ARMC9: variants seen among roughly 807,000 people sequenced by gnomAD.
ARMC9 encodes lisH domain-containing protein ARMC9.
Under a neutral mutation model 107.0 loss-of-function variants are expected in ARMC9, and 94 were observed. The observed-to-expected ratio is 0.88, with a 90% CI of 0.74 to 1.04. ARMC9 has a LOEUF of 1.04. Among genes scored for constraint, ARMC9 ranks in the 50% least tolerant of loss-of-function variants. The pLI is 0.00. For synonymous variants in ARMC9, 380 were observed against 396.9 expected, an observed-to-expected ratio of 0.96 and a Z score of 0.51; for missense variants, 942 against 1,030.1, an observed-to-expected ratio of 0.91 and a Z score of 1.17.
intron 5 of ARMC9, among the ~76,000 whole-genome samples, chr2:231,217,265 G>A (rs2033612543): frequency 1.3e-5 from 2 of 152,154 alleles, no homozygotes; most frequent in African/African-American, 4.8e-5. Context: ...TAGTTTTTAG[G>A]CATATGTGTA....
chr2:231,204,656 G>A (rs958532573), intron 1 of ARMC9, among the ~76,000 whole-genome samples: 6 of 152,024 alleles, frequency 3.9e-5, no homozygotes, highest in African/African-American at 1.4e-4. Flanking sequence ...AAATCAAGCA[G>A]TACAAAGGGC....
At chr2:231,230,067 G>A (rs2035061331) in intron 7 of ARMC9, among the ~76,000 whole-genome samples, 1 of 152,114 alleles carries the variant, frequency 6.6e-6, no homozygotes, top group Non-Finnish European at 1.5e-5. Flanking sequence ...TCCATTAAAA[G>A]TTGAGGTCTT....
At chr2:231,328,397 T>C (rs945070792) in intron 19 of ARMC9, among the ~76,000 whole-genome samples, 1 of 152,202 alleles carries the variant, frequency 6.6e-6, no homozygotes, top group African/African-American at 2.4e-5. Context: ...AACAAGTTTT[T>C]AAGTTTTTTG....
intron 1 of ARMC9, among the ~76,000 whole-genome samples, chr2:231,205,630 AT>A (rs1417838432): frequency 6.6e-6 from 1 of 152,184 alleles, no homozygotes; most frequent in Non-Finnish European, 1.5e-5. Context: ...GACTTTAGCC[AT>A]TGTATTTCCT....
chr2:231,326,634 TAGCTTCCCCCAGCGC>T (rs931541734), intron 19 of ARMC9, among the ~76,000 whole-genome samples: 14 of 150,866 alleles, frequency 9.3e-5, no homozygotes, highest in African/African-American at 3.1e-4. Flanking sequence ...AGAGGCGGGG[TAGCTTCCCCCAGCGC>T]AGCCCTAGGA....
chr2:231,366,149 G>A (rs905735460), intron 23 of ARMC9, among the ~76,000 whole-genome samples: 3 of 152,182 alleles, frequency 2.0e-5, no homozygotes, highest in African/African-American at 4.8e-5. Flanking sequence ...TGGAGAGTCA[G>A]GGGAGAGTTG....
chr2:231,330,242 T>TTTC (rs2043633087), intron 19 of ARMC9, among the ~76,000 whole-genome samples: 1 of 151,396 alleles, frequency 6.6e-6, no homozygotes, highest in Non-Finnish European at 1.5e-5. Flanking sequence ...TTTTTTTTTT[T>TTTC]TTTGAGACGG....
At chr2:231,312,252 C>T (rs1319396062) in intron 19 of ARMC9, among the ~76,000 whole-genome samples, 1 of 152,148 alleles carries the variant, frequency 6.6e-6, no homozygotes, top group Admixed American at 6.5e-5. Flanking sequence ...TTCTCCGCCA[C>T]GTGACTTCAC....
intron 7 of ARMC9, among the ~76,000 whole-genome samples, chr2:231,227,277 T>C (rs1320578354): frequency 6.6e-6 from 1 of 152,222 alleles, no homozygotes; most frequent in African/African-American, 2.4e-5. Flanking sequence ...TGAAGTGTTA[T>C]TTTTCCATGG....
At chr2:231,221,821 ACT>A (rs1209454323) in intron 5 of ARMC9, among the ~76,000 whole-genome samples, 4 of 112,278 alleles carry the variant, frequency 3.6e-5, no homozygotes, top group East Asian at 2.9e-4. Context: ...ACAAAGCAAG[ACT>A]CTGTCTCAAA....
At chr2:231,206,420 A>G in intron 2 of ARMC9, 131 bp downstream of exon 2, 1 of 742,356 alleles carries the variant, frequency 1.3e-6, no homozygotes, top group Non-Finnish European at 2.1e-6. Context: ...TTTCTATTAT[A>G]TAATATTCCA....
chr2:231,344,875 T>C, intron 20 of ARMC9, 100 bp from the exon 21 acceptor site: 1 of 1,137,328 alleles, frequency 8.8e-7, no homozygotes, highest in Non-Finnish European at 1.3e-6. Flanking sequence ...CAAAGCTTCT[T>C]ATCATTATAG....
At chr2:231,281,216 T>C (rs2040193679) in intron 16 of ARMC9, among the ~76,000 whole-genome samples, 1 of 126,084 alleles carries the variant, frequency 7.9e-6, no homozygotes, top group Admixed American at 8.7e-5. Context: ...GTGAGTGGCC[T>C]GTATGGGGGC....
At chr2:231,273,646 C>T (rs866276570) in intron 14 of ARMC9, among the ~76,000 whole-genome samples, 12 of 152,142 alleles carry the variant, frequency 7.9e-5, no homozygotes, top group African/African-American at 2.9e-4. Flanking sequence ...AACTCCTGAC[C>T]TCAGGTGATC....
intron 19 of ARMC9, among the ~76,000 whole-genome samples, chr2:231,306,959 G>C (rs940409570): frequency 2.6e-5 from 4 of 152,164 alleles, no homozygotes; most frequent in African/African-American, 9.7e-5. Flanking sequence ...GGAGCTCTAG[G>C]GTGTCTGGCC....
chr2:231,253,894 G>T (rs963725715), intron 9 of ARMC9, among the ~76,000 whole-genome samples: 2 of 152,184 alleles, frequency 1.3e-5, no homozygotes, highest in Admixed American at 1.3e-4. Flanking sequence ...GGGAGCTCTG[G>T]GGCCTGAAGA....
chr2:231,252,394 C>T (rs1158837306), intron 9 of ARMC9, among the ~76,000 whole-genome samples: 2 of 152,120 alleles, frequency 1.3e-5, no homozygotes, highest in African/African-American at 2.4e-5. Flanking sequence ...GGATTACAGG[C>T]GCCCGCCACC....
intron 21 of ARMC9, among the ~76,000 whole-genome samples, chr2:231,346,630 G>T (rs151139272): frequency 3.3e-5 from 5 of 152,242 alleles, no homozygotes; most frequent in African/African-American, 1.2e-4. Flanking sequence ...ATTTACATGC[G>T]TATACATTTT....
chr2:231,347,673 T>C (rs560114987), intron 21 of ARMC9, among the ~76,000 whole-genome samples: 2 of 152,310 alleles, frequency 1.3e-5, no homozygotes, highest in African/African-American at 4.8e-5. Context: ...AAACAGCTCA[T>C]TATTTCTCCA....
Sources: gnomAD v4.1 joint callset for allele counts (sites outside exome capture counted in the v4.1 genomes callset) on GRCh38, gnomAD v4.1.1 for gene constraint, MANE v1.5 for transcripts, NCBI Gene and HGNC (gene_info 2026-07-23, HGNC 2026-07-21) for gene names.